IL10RA: variants seen among roughly 807,000 people sequenced by gnomAD.
The protein encoded by IL10RA is interleukin 10 receptor subunit alpha.
A neutral mutation model predicts 29.6 loss-of-function variants in IL10RA; 18 were observed. The ratio of observed to expected loss-of-function variants is 0.61; its 90% CI spans 0.42 to 0.90. The LOEUF (loss-of-function observed/expected upper bound fraction) is 0.90, where lower values mean the gene tolerates loss of function less well. IL10RA is among the 40% of genes least tolerant of loss of function. IL10RA has a pLI of 0.00. For synonymous variants in IL10RA, 292 were observed against 294.1 expected (o/e 0.99, Z 0.07); for missense variants, 634 against 716.6 (o/e 0.88, Z 1.32).
In IL10RA at chr11:117,999,078, G is replaced by T; in HGVS notation, c.1174G>T (p.Gly392Trp). 1.2e-6 allele frequency: 2 copies of T among 1,611,460 alleles called. No homozygotes were observed. Among genetic ancestry groups the T allele is most frequent in the Non-Finnish European group, 1.7e-6 (2 of 1,177,784 alleles). Reference sequence around the variant, plus strand: ...AGGGCCCACCTGGGAGCAACAGGTGGGGAGCAACAGCAGGGGCCAGGATGA... The same window carrying T: ...AGGGCCCACCTGGGAGCAACAGGTGTGGAGCAACAGCAGGGGCCAGGATGA... ...STGPTWEQQV[G>W]SNSRGQDDSG... Residue 392 changes from glycine to tryptophan, a missense_variant, in exon 7 of 7, where the codon GGG (glycine) becomes TGG (tryptophan). Gly to Trp is a radical substitution (Grantham distance 184). Coordinates refer to ENST00000227752, the MANE Select transcript of IL10RA (RefSeq NM_001558.4).
At chr11:117,997,026 T>C (rs2058061387) in intron 6 of IL10RA, among the ~76,000 whole-genome samples, 1 of 152,236 alleles carries the variant, frequency 6.6e-6, no homozygotes, top group African/African-American at 2.4e-5. Flanking sequence ...GACACATTCA[T>C]TAGTTTGTTC....
intron 5 of IL10RA, among the ~76,000 whole-genome samples, chr11:117,994,561 G>C (rs150499703): frequency 1.3e-5 from 2 of 152,340 alleles, no homozygotes; most frequent in East Asian, 3.9e-4. Flanking sequence ...ACTCTGCTCT[G>C]CTCCTCGCCA....
At position 117,989,621 on chromosome 11, in the gene IL10RA, G is replaced by T; in HGVS notation, c.367+1G>T. On this transcript the variant is annotated splice_donor_variant, in intron 3 of 6. Transcript: ENST00000227752. LOFTEE classifies it high-confidence loss of function. This position sits in a 1 kb window ranked among gnomAD's most constrained non-coding sequence, Gnocchi z 4.5. ...AACACCCGCTTCTCTGTGGATGAAG[G>T]TGCTTTTCCTCCCTTGACTTAGAAC... 1 of 1,613,740 alleles carries T rather than the reference G, an allele frequency of 6.2e-7. No homozygotes were observed. The highest frequency in any genetic ancestry group is 8.5e-7 in the Non-Finnish European group (1 of 1,180,008).
At chr11:117,991,245 T>G (rs2058020549) in intron 3 of IL10RA, among the ~76,000 whole-genome samples, 1 of 152,146 alleles carries the variant, frequency 6.6e-6, no homozygotes, top group African/African-American at 2.4e-5. Flanking sequence ...TGAAAACGTT[T>G]TATAAAAAAG....
chr11:117,988,338 C>T, intron 1 of IL10RA, 44 bp from the exon 2 acceptor site: 1 of 1,612,626 alleles, frequency 6.2e-7, no homozygotes, highest in East Asian at 2.2e-5. Flanking sequence ...GTCATCAATG[C>T]CTGCCCCCCC....
chr11:118,000,841 G>C lies in IL10RA; in HGVS notation c.*1200G>C, dbSNP rs1460475730. 1 of 454,142 alleles carries C rather than the reference G, an allele frequency of 2.2e-6. No individual in the cohort carries two copies. The highest frequency in any genetic ancestry group is 2.0e-5 in the African/African-American group (1 of 50,002). The allele number at this position is 454,142 out of a possible 1,614,324, so 28.1% of individuals were successfully genotyped here. On this transcript the variant is annotated 3_prime_UTR_variant, in exon 7 of 7. Transcript: ENST00000227752. ...ATGCCAGAGGCTAACAGATCCAATGGGAGTCCATGGTGTCATGCCAAGACA... is the reference window on the plus strand; with the variant it reads ...ATGCCAGAGGCTAACAGATCCAATGCGAGTCCATGGTGTCATGCCAAGACA...
In IL10RA at chr11:117,989,096, C is replaced by T. The variant is rs1317719507; in HGVS notation, c.189-346C>T. On this transcript the variant is annotated intron_variant, in intron 2 of 6. Coordinates refer to ENST00000227752, the MANE Select transcript of IL10RA (RefSeq NM_001558.4). This position sits in a 1 kb window ranked among gnomAD's most constrained non-coding sequence, Gnocchi z 4.5. Reference sequence around the variant, plus strand: ...TTCTATCTTACTGGAAAAGGAGAAGCATCCACAGTACAGCCAGACAACAGG... The same window carrying T: ...TTCTATCTTACTGGAAAAGGAGAAGTATCCACAGTACAGCCAGACAACAGG... Among the ~76,000 whole-genome samples the T allele has an allele frequency of 6.6e-6, 1 of 152,230 alleles. No homozygotes were observed. The highest frequency in any genetic ancestry group is 2.4e-5 in the African/African-American group (1 of 41,458).
In IL10RA at chr11:117,994,180, G is replaced by A. The variant is rs754668798; in HGVS notation, c.688+31G>A. ...TCAGCTGGGCTGCTCTCAGCATGGG[G>A]AGGGAGACTGGGAGGGCCTGGTGCA... On this transcript the variant is annotated intron_variant, in intron 5 of 6. Transcript: ENST00000227752. The A allele has an allele frequency of 3.1e-6, 5 of 1,609,202 alleles. No homozygotes were observed. In the African/African-American group the frequency reaches 5.3e-5, roughly 17 times the overall value.
rs1196373193 is a variant in IL10RA at position 117,988,466 on chromosome 11, A to G, written c.152A>G (p.Gln51Arg). Residue 51 changes from glutamine (Q) to arginine (R), a missense_variant, in exon 2 of 7, where the codon CAG becomes CGG. Coordinates refer to ENST00000227752, the MANE Select transcript of IL10RA (RefSeq NM_001558.4). ...HILHWTPIPN[Q>R]SESTCYEVAL... is the part of the protein sequence containing the mutation. ...CTCCACTGGACACCCATCCCAAATC[A>G]GTCTGAAAGTACCTGCTATGAAGTG... The G allele has an allele frequency of 6.2e-7, 1 of 1,613,924 alleles. No homozygotes were observed. The highest frequency in any genetic ancestry group is 1.3e-5 in the African/African-American group (1 of 74,890).
At position 117,998,941 on chromosome 11, in the gene IL10RA, G is replaced by C. The variant is rs552776932; in HGVS notation, c.1037G>C (p.Arg346Thr). Residue 346 changes from arginine to threonine, a missense_variant, in exon 7 of 7, where the codon AGA (arginine) becomes ACA (threonine). By Grantham distance (71) the Arg-to-Thr change is moderately conservative. Coordinates refer to ENST00000227752, the MANE Select transcript of IL10RA (RefSeq NM_001558.4). ...LLPDPHPQADRTLGNREPPVL... is the reference protein window; with the variant it reads ...LLPDPHPQADTTLGNREPPVL... The stretch of plus-strand genomic sequence containing the variant: ...CCTGACCCTCACCCCCAGGCTGACA[G>C]AACGCTGGGAAACAGGGAGCCCCCT... 1.2e-6 allele frequency: 2 copies of C among 1,613,498 alleles called. No homozygotes were observed. Among genetic ancestry groups the C allele is most frequent in the African/African-American group, 2.7e-5 (2 of 75,052 alleles).
At chr11:117,994,195 G>A (rs756413364) in intron 5 of IL10RA, 46 bp downstream of exon 5, 1 of 1,592,166 alleles carries the variant, frequency 6.3e-7, no homozygotes, top group Admixed American at 1.7e-5. Flanking sequence ...AGACTGGGAG[G>A]GCCTGGTGCA....
chr11:117,991,369 A>G (rs981721754), intron 3 of IL10RA, among the ~76,000 whole-genome samples: 1 of 152,232 alleles, frequency 6.6e-6, no homozygotes, highest in Admixed American at 6.5e-5. Flanking sequence ...TAGAATATCT[A>G]TCACCTCAAA....
At position 117,998,998 on chromosome 11, in the gene IL10RA, G is replaced by A; in HGVS notation, c.1094G>A (p.Ser365Asn). The change falls in exon 7 of 7, where the codon AGC becomes AAC. Residue 365 changes from serine to asparagine, a missense_variant. By Grantham distance (46) the Ser-to-Asn change is conservative. Transcript: ENST00000227752. Reference protein sequence around the residue: ...VLGDSCSSGSSNSTDSGICLQ... With the variant: ...VLGDSCSSGSNNSTDSGICLQ... ...GGGGACAGCTGCAGTAGTGGCAGCA[G>A]CAATAGCACAGACAGCGGGATCTGC... The A allele has an allele frequency of 6.2e-7, 1 of 1,613,502 alleles. No individual in the cohort carries two copies. The highest frequency in any genetic ancestry group is 8.5e-7 in the Non-Finnish European group (1 of 1,179,566).
chr11:117,988,792 G>A (rs1385322451), intron 2 of IL10RA, among the ~76,000 whole-genome samples: 2 of 152,006 alleles, frequency 1.3e-5, no homozygotes, highest in Admixed American at 6.6e-5. Context: ...ACAGCTTCTC[G>A]CTCTGTCACC....
chr11:117,998,489 T>C (rs1303092433), intron 6 of IL10RA, among the ~76,000 whole-genome samples: 2 of 152,200 alleles, frequency 1.3e-5, no homozygotes, highest in Non-Finnish European at 2.9e-5. Flanking sequence ...TGTTACTCCA[T>C]CTGGGCCTGA....
rs2058009936 is a variant in IL10RA, at chr11:117,989,689, C to A, written c.367+69C>A. 3 of 1,483,446 alleles carry A rather than the reference C, an allele frequency of 2.0e-6. No homozygotes were observed. The highest frequency in any genetic ancestry group is 2.8e-6 in the Non-Finnish European group (3 of 1,077,428). 91.9% of individuals were successfully genotyped at this position (1,483,446 alleles called of 1,614,324 possible). A position where few individuals can be genotyped will look rare whatever the true frequency, so the allele number is the denominator to read the frequency against. On this transcript the variant is annotated intron_variant, in intron 3 of 6. Coordinates refer to ENST00000227752, the MANE Select transcript of IL10RA (RefSeq NM_001558.4). This position sits in a 1 kb window ranked among gnomAD's most constrained non-coding sequence, Gnocchi z 4.5. ...TCCAGCCAGGAACTCTAGTCTAGAG[C>A]TTTTCTGTCTATTACCATAGCTCAC... is the stretch of plus-strand genomic sequence containing the variant.
chr11:117,991,775 C>T (rs1336200199), intron 3 of IL10RA, among the ~76,000 whole-genome samples: 1 of 152,140 alleles, frequency 6.6e-6, no homozygotes, highest in African/African-American at 2.4e-5. Context: ...TGCTCTGTCA[C>T]CCAGGCTGCA....
At position 117,989,973 on chromosome 11, in the gene IL10RA, A is replaced by G. The variant is rs2058011248; in HGVS notation, c.367+353A>G. Among the ~76,000 whole-genome samples, 1 of 152,124 alleles carries G rather than the reference A, an allele frequency of 6.6e-6. No homozygotes were observed. Among genetic ancestry groups the G allele is most frequent in the Admixed American group, 6.5e-5 (1 of 15,274 alleles). On this transcript the variant is annotated intron_variant, in intron 3 of 6. Transcript: ENST00000227752. This position sits in a 1 kb window ranked among gnomAD's most constrained non-coding sequence, Gnocchi z 4.5. ...CAGCATAGGGCAGCAAGCAGTAGGC[A>G]GAATTTGGGTGAACGCCCCGCTTCT...
Position 117,988,459 on chromosome 11 carries a change from C to G in IL10RA, c.145C>G (p.Pro49Ala). Residue 49 changes from proline (P) to alanine (A), a missense_variant, in exon 2 of 7, where the codon CCA becomes GCA. Physicochemically the swap from Pro to Ala is conservative, Grantham distance 27 (BLOSUM62 -1). Transcript: ENST00000227752. ...FHHILHWTPIPNQSESTCYEV... is the reference protein window; with the variant it reads ...FHHILHWTPIANQSESTCYEV... ...CCACATCCTCCACTGGACACCCATC[C>G]CAAATCAGTCTGAAAGTACCTGCTA... 6.2e-7 allele frequency: 1 copy of G among 1,614,122 alleles called. No homozygotes were observed.
Sources: allele counts gnomAD v4.1 joint callset (sites outside exome capture counted in the v4.1 genomes callset), GRCh38; gene constraint gnomAD v4.1.1; non-coding constraint Gnocchi (gnomAD v3.1); transcripts MANE v1.5; gene names NCBI Gene and HGNC (gene_info 2026-07-23, HGNC 2026-07-21).